The following EYS variants were observed in gnomAD, a reference collection of about 807,000 sequenced individuals.
EYS encodes the protein EGF-like photoreceptor maintenance factor, also known as protein eyes shut homolog.
A neutral mutation model predicts 282.1 loss-of-function variants in EYS; 250 were observed. The observed-to-expected ratio is 0.89, with a 90% CI of 0.80 to 0.98. The LOEUF (loss-of-function observed/expected upper bound fraction) is 0.98, where lower values mean the gene tolerates loss of function less well. Among genes scored for constraint, EYS ranks in the 50% least tolerant of loss-of-function variants. EYS has a pLI of 0.00. For synonymous variants in EYS, 1,355 were observed against 1,282.9 expected, an observed-to-expected ratio of 1.06 and a Z score of -1.20; for missense variants, 4,016 against 3,709.0, an observed-to-expected ratio of 1.08 and a Z score of -2.15.
At chr6:65,700,194 A>G (rs562351699) in intron 1 of EYS, among the ~76,000 whole-genome samples, 83 of 151,556 alleles carry the variant, frequency 5.5e-4, no homozygotes, top group African/African-American at 1.8e-3. Context: ...TCACATTTTG[A>G]CTTTTGGAGA....
intron 22 of EYS, among the ~76,000 whole-genome samples, chr6:64,655,275 T>G (rs1335952359): frequency 6.6e-6 from 1 of 152,198 alleles, no homozygotes; most frequent in Non-Finnish European, 1.5e-5. Context: ...GAGAGATGAT[T>G]GATTTTACCG....
At chr6:65,329,027 C>T (rs1318404742) in intron 11 of EYS, among the ~76,000 whole-genome samples, 1 of 150,906 alleles carries the variant, frequency 6.6e-6, no homozygotes, top group Non-Finnish European at 1.5e-5. Context: ...AAAGGTTATA[C>T]CTATAAAAAC....
At chr6:64,655,788 T>C (rs903621587) in intron 22 of EYS, among the ~76,000 whole-genome samples, 3 of 152,124 alleles carry the variant, frequency 2.0e-5, no homozygotes, top group Non-Finnish European at 4.4e-5. Context: ...TTACTTTATT[T>C]AATAATAAAT....
At chr6:65,394,135 A>C (rs533584583) in intron 7 of EYS, among the ~76,000 whole-genome samples, 1 of 152,150 alleles carries the variant, frequency 6.6e-6, no homozygotes, top group East Asian at 1.9e-4. Context: ...TCATTTCCTC[A>C]TTTTACTCTA....
intron 15 of EYS, among the ~76,000 whole-genome samples, chr6:64,930,081 AT>A (rs773192411): frequency 3.3e-5 from 5 of 152,172 alleles, no homozygotes; most frequent in South Asian, 4.1e-4. Flanking sequence ...CCAAAAGATA[AT>A]TTGATAAAAA....
chr6:64,309,423 T>C (rs1769585946), intron 29 of EYS, among the ~76,000 whole-genome samples: 1 of 152,246 alleles, frequency 6.6e-6, no homozygotes, highest in African/African-American at 2.4e-5. Flanking sequence ...TTCCCAGCCA[T>C]TAGCCTTTAC....
At chr6:65,151,147 T>A (rs182118407) in intron 12 of EYS, among the ~76,000 whole-genome samples, 1 of 152,026 alleles carries the variant, frequency 6.6e-6, no homozygotes. Flanking sequence ...TTACTCAATT[T>A]GATACTAAAA....
chr6:64,438,300 T>A (rs1044603479), intron 27 of EYS, among the ~76,000 whole-genome samples: 7 of 151,702 alleles, frequency 4.6e-5, no homozygotes, highest in African/African-American at 1.7e-4. Flanking sequence ...TCTATCAATA[T>A]TTACATTGCT....
intron 13 of EYS, among the ~76,000 whole-genome samples, chr6:65,007,632 C>T (rs1469808058): frequency 6.6e-6 from 1 of 152,098 alleles, no homozygotes; most frequent in Non-Finnish European, 1.5e-5. Context: ...CAGTGTCCCC[C>T]TAACTCTTTC....
chr6:64,554,117 T>A (rs1765171562), intron 26 of EYS, among the ~76,000 whole-genome samples: 1 of 152,144 alleles, frequency 6.6e-6, no homozygotes, highest in African/African-American at 2.4e-5. Context: ...TTATCATATA[T>A]TGAAAGGTGC....
intron 31 of EYS, among the ~76,000 whole-genome samples, chr6:64,208,138 G>A (rs1042899506): frequency 2.0e-5 from 3 of 152,128 alleles, no homozygotes; most frequent in Non-Finnish European, 4.4e-5. Context: ...GAAGGATGGC[G>A]ATTTCACTGC....
At chr6:65,107,043 G>T (rs1224278356) in intron 12 of EYS, among the ~76,000 whole-genome samples, 6 of 151,996 alleles carry the variant, frequency 3.9e-5, no homozygotes, top group Admixed American at 6.6e-5. Flanking sequence ...GATGTGGTGA[G>T]AGTCACATGT....
At chr6:64,922,870 C>A (rs1408890754) in intron 15 of EYS, among the ~76,000 whole-genome samples, 9 of 152,164 alleles carry the variant, frequency 5.9e-5, no homozygotes, top group Admixed American at 1.3e-4. Context: ...TGGAGATGGA[C>A]CCCAAGCTCT....
In EYS at chr6:63,721,782, A is replaced by C; in HGVS notation, c.8249T>G (p.Ile2750Ser). The change falls in exon 43 of 43, where the codon ATC (isoleucine) becomes AGC (serine). Residue 2750 changes from isoleucine to serine, a missense_variant. Physicochemically the swap from Ile to Ser is moderately radical, Grantham distance 142 (BLOSUM62 -2). Coordinates refer to ENST00000503581, the MANE Select transcript of EYS (RefSeq NM_001142800.2). ...TTGAACGGAACTATTTACTAAAGAG[A>C]TGCATAAAAAATCACCTGCAAGAAA... is the stretch of plus-strand genomic sequence containing the variant. ...LKAQSGDFLC[I>S]SLVNSSVQLR... The C allele has an allele frequency of 6.5e-7, 1 of 1,542,558 alleles. No individual in the cohort carries two copies. The highest frequency in any genetic ancestry group is 2.4e-5 in the East Asian group (1 of 40,820).
intron 35 of EYS, among the ~76,000 whole-genome samples, chr6:63,883,173 C>T (rs556953252): frequency 1.3e-5 from 2 of 152,276 alleles, no homozygotes; most frequent in Admixed American, 6.5e-5. Flanking sequence ...TTTTGGAAGC[C>T]GAAGTTGGAA....
intron 36 of EYS, among the ~76,000 whole-genome samples, chr6:63,851,884 G>A (rs568464130): frequency 1.3e-5 from 2 of 152,182 alleles, no homozygotes; most frequent in Non-Finnish European, 2.9e-5. Flanking sequence ...TTGGCCGGGC[G>A]CAGTGGCTCA....
chr6:64,936,478 A>T (rs1768909852), intron 15 of EYS, among the ~76,000 whole-genome samples: 1 of 151,474 alleles, frequency 6.6e-6, no homozygotes, highest in South Asian at 2.1e-4. Context: ...AAAACGTATC[A>T]ATATTGGACA....
At chr6:64,693,695 A>T (rs1451354140) in intron 22 of EYS, among the ~76,000 whole-genome samples, 1 of 152,152 alleles carries the variant, frequency 6.6e-6, no homozygotes, top group East Asian at 1.9e-4. Context: ...AAATGCCTTC[A>T]TGTCTTGAGG....
chr6:64,405,042 C>T (rs1582710616), intron 28 of EYS, among the ~76,000 whole-genome samples: 1 of 151,892 alleles, frequency 6.6e-6, no homozygotes, highest in Non-Finnish European at 1.5e-5. Context: ...TTGTTACATA[C>T]GTAAACGTAT....
Sources: allele counts gnomAD v4.1 joint callset (sites outside exome capture counted in the v4.1 genomes callset), GRCh38; gene constraint gnomAD v4.1.1; transcripts MANE v1.5; gene names NCBI Gene and HGNC (gene_info 2026-07-23, HGNC 2026-07-21).